The following PKD1L1 variants were observed in gnomAD, a reference collection of about 807,000 sequenced individuals.
The protein encoded by PKD1L1 is polycystin-1-like protein 1.
In PKD1L1, 236 loss-of-function variants were observed where a neutral mutation model predicts 323.4. The ratio of observed to expected loss-of-function variants is 0.73; its 90% CI spans 0.66 to 0.81. The LOEUF (loss-of-function observed/expected upper bound fraction) is 0.81, where lower values mean the gene tolerates loss of function less well. Among genes scored for constraint, PKD1L1 ranks in the 40% least tolerant of loss-of-function variants. PKD1L1 has a pLI of 0.00. For synonymous variants in PKD1L1, 1,344 were observed against 1,335.0 expected (o/e 1.01, Z -0.15); for missense variants, 3,320 against 3,508.0 (o/e 0.95, Z 1.35).
intron 46 of PKD1L1, chr7:47,818,166 A>T (rs747234097): frequency 3.7e-6 from 5 of 1,367,584 alleles, no homozygotes; most frequent in Non-Finnish European, 4.9e-6. Flanking sequence ...AAAGGAGAAC[A>T]CAGATGGAGA....
chr7:47,800,938 C>T (rs1482696614), intron 53 of PKD1L1, 59 bp from the exon 54 acceptor site: 1 of 1,442,604 alleles, frequency 6.9e-7, no homozygotes, highest in African/African-American at 1.4e-5. Context: ...GAGTGGAAGA[C>T]TCAACTTCCA....
chr7:47,905,008 T>C (rs1007544883), intron 11 of PKD1L1, 149 bp downstream of exon 11: 6 of 834,346 alleles, frequency 7.2e-6, no homozygotes, highest in Non-Finnish European at 1.1e-5. Context: ...AAATCTTATG[T>C]TGAGTTTGCT....
At chr7:47,865,392 C>G (rs1403508374) in intron 25 of PKD1L1, 120 bp from the exon 26 acceptor site, 1 of 833,972 alleles carries the variant, frequency 1.2e-6, no homozygotes, top group African/African-American at 1.7e-5. Flanking sequence ...GCTTTTTGGC[C>G]AAAAGACCAA....
At chr7:47,938,932 T>A (rs1240180185) in intron 3 of PKD1L1, among the ~76,000 whole-genome samples, 1 of 152,204 alleles carries the variant, frequency 6.6e-6, no homozygotes, top group Non-Finnish European at 1.5e-5. Flanking sequence ...TGATTCTGCA[T>A]AGCAGATCTG....
Position 47,885,910 on chromosome 7 carries a change from G to A in PKD1L1, c.2981C>T (p.Pro994Leu). 2 of 1,614,174 alleles carry A rather than the reference G, an allele frequency of 1.2e-6. No individual in the cohort carries two copies. Among genetic ancestry groups the A allele is most frequent in the African/African-American group, 1.3e-5 (1 of 75,048 alleles). ...AGTGGCAGGTTGGCCAAGGGTCACG[G>A]GTGAAGGTTCCCGTGAGAATGGTGT... ...TTTPFSREPS[P>L]VTLGQPATSA... The change falls in exon 18 of 57, where the codon CCC (proline) becomes CTC (leucine). Residue 994 changes from proline to leucine, a missense_variant. Physicochemically the swap from Pro to Leu is moderately conservative, Grantham distance 98. Transcript: ENST00000289672.
In PKD1L1 at chr7:47,853,904, A is replaced by C. The variant is rs376283172; in HGVS notation, c.4860-677T>G. On this transcript the variant is annotated intron_variant, in intron 30 of 56. Coordinates refer to ENST00000289672, the MANE Select transcript of PKD1L1 (RefSeq NM_138295.5). ...GTTAGGGAGGGGCACTGCAGCACCC[A>C]CACGTATGTTTGCATGTTTGTGTTA... Among the ~76,000 whole-genome samples the C allele has an allele frequency of 1.3e-3, 202 of 152,278 alleles. 2 individuals carry two copies. The highest frequency in any genetic ancestry group is 4.7e-3 in the African/African-American group (197 of 41,558).
At chr7:47,812,122 C>A in intron 49 of PKD1L1, 71 bp from the exon 50 acceptor site, 1 of 1,280,446 alleles carries the variant, frequency 7.8e-7, no homozygotes, top group Non-Finnish European at 1.1e-6. Flanking sequence ...AGGCTCCCAG[C>A]TGCAGGTCCC....
the PKD1L1 span, among the ~76,000 whole-genome samples, chr7:47,957,887 A>ATATATAT: frequency 6.7e-6 from 1 of 148,780 alleles, no homozygotes; most frequent in East Asian, 2.0e-4. Context: ...ATCTAGAAAT[A>ATATATAT]AACTTAACCA....
At position 47,876,159 on chromosome 7, in the gene PKD1L1, T is replaced by C. The variant is rs1786399021; in HGVS notation, c.3722A>G (p.His1241Arg). ...AAAATAATACTGGGTGTCTCTCCCA[T>C]GGTACAAAGTGTGTTTGGAGGTGTT... Reference protein sequence around the residue: ...IGNTSKHTLYHGRDTQYYFVL... With the variant: ...IGNTSKHTLYRGRDTQYYFVL... Residue 1241 changes from histidine to arginine, a missense_variant, in exon 23 of 57, where the codon CAT becomes CGT. Coordinates refer to ENST00000289672, the MANE Select transcript of PKD1L1 (RefSeq NM_138295.5). 1 of 1,614,150 alleles carries C rather than the reference T, an allele frequency of 6.2e-7. No homozygotes were observed. The highest frequency in any genetic ancestry group is 8.5e-7 in the Non-Finnish European group (1 of 1,179,990).
chr7:47,959,649 G>A, the PKD1L1 span, among the ~76,000 whole-genome samples: 3 of 123,650 alleles, frequency 2.4e-5, no homozygotes, highest in Non-Finnish European at 5.6e-5. Context: ...CGGGAGGGAG[G>A]TGGGGGTCAG....
At chr7:47,850,525 A>G (rs1380336730) in intron 31 of PKD1L1, among the ~76,000 whole-genome samples, 1 of 151,420 alleles carries the variant, frequency 6.6e-6, no homozygotes, top group African/African-American at 2.4e-5. Flanking sequence ...TCAGCTACCC[A>G]CAAGGCTGAG....
chr7:47,897,703 G>A (rs1157844031), intron 14 of PKD1L1, among the ~76,000 whole-genome samples: 2 of 152,100 alleles, frequency 1.3e-5, no homozygotes, highest in Admixed American at 6.6e-5. Flanking sequence ...CTGACATCCC[G>A]GCACCAGCAC....
intron 52 of PKD1L1, among the ~76,000 whole-genome samples, chr7:47,807,539 G>C (rs965457884): frequency 2.6e-5 from 4 of 152,136 alleles, no homozygotes; most frequent in African/African-American, 9.7e-5. Flanking sequence ...AGGACAAGGG[G>C]GTTAGGGAGG....
At chr7:47,900,913 A>C (rs935436485) in intron 13 of PKD1L1, among the ~76,000 whole-genome samples, 5 of 152,206 alleles carry the variant, frequency 3.3e-5, no homozygotes, top group Admixed American at 3.3e-4. Flanking sequence ...GTTTGTGACA[A>C]ACACACATAC....
In PKD1L1 at chr7:47,785,427, G is replaced by A. The variant is rs545850581; in HGVS notation, c.8526+7200C>T. Among the ~76,000 whole-genome samples, 5 of 152,258 alleles carry A rather than the reference G, an allele frequency of 3.3e-5. No homozygotes were observed. The East Asian group carries it at 5.8e-4, about 18-fold the overall frequency. ...AAAATACTTGAGGAATGCATGAAAC[G>A]TGAAAGTGTTAATAGTCTCTATTAA... On this transcript the variant is annotated intron_variant, in intron 56 of 56. Coordinates refer to ENST00000289672, the MANE Select transcript of PKD1L1 (RefSeq NM_138295.5).
intron 46 of PKD1L1, among the ~76,000 whole-genome samples, chr7:47,818,770 C>T (rs1785077612): frequency 6.6e-6 from 1 of 152,184 alleles, no homozygotes; most frequent in South Asian, 2.1e-4. Flanking sequence ...GGATAGAACG[C>T]TTGCTTCATT....
At chr7:47,834,937 G>C (rs1263759324) in intron 39 of PKD1L1, 30 bp downstream of exon 39, 2 of 1,595,254 alleles carry the variant, frequency 1.3e-6, no homozygotes, top group Non-Finnish European at 1.7e-6. Flanking sequence ...GCCCCACGGA[G>C]AGTTTCTGAG....
Position 47,933,578 on chromosome 7 carries a change from C to G in PKD1L1, c.399-1522G>C, listed in dbSNP as rs140656744. ...TGGGATGTTCACAGTGACCACCATGCCACTGCCTGGGCCGCCCTGTTTGTC... is the reference window on the plus strand; with the variant it reads ...TGGGATGTTCACAGTGACCACCATGGCACTGCCTGGGCCGCCCTGTTTGTC... On this transcript the variant is annotated intron_variant, in intron 4 of 56. Transcript: ENST00000289672. Among the ~76,000 whole-genome samples the G allele has an allele frequency of 1.3e-3, 192 of 152,246 alleles. 1 individual carries two copies. The highest frequency in any genetic ancestry group is 3.8e-3 in the African/African-American group (159 of 41,538).
At position 47,931,972 on chromosome 7, in the gene PKD1L1, A is replaced by C; in HGVS notation, c.483T>G (p.Thr161=). 1.2e-6 allele frequency: 2 copies of C among 1,614,080 alleles called. No individual in the cohort carries two copies. The highest frequency in any genetic ancestry group is 1.7e-6 in the Non-Finnish European group (2 of 1,179,942). ...PRFHHRRLCA[T]GTADSTFSAL... ...CAGAGAATGTGCTGTCTGCGGTCCCAGTAGCACACAGCCGCCTGTGATGGA... is the reference window on the plus strand; with the variant it reads ...CAGAGAATGTGCTGTCTGCGGTCCCCGTAGCACACAGCCGCCTGTGATGGA... Residue 161 remains threonine (T), a synonymous_variant, in exon 5 of 57, where the codon ACT becomes ACG. Coordinates refer to ENST00000289672, the MANE Select transcript of PKD1L1 (RefSeq NM_138295.5).
Sources: allele counts gnomAD v4.1 joint callset (sites outside exome capture counted in the v4.1 genomes callset), GRCh38; gene constraint gnomAD v4.1.1; transcripts MANE v1.5; gene names NCBI Gene and HGNC (gene_info 2026-07-23, HGNC 2026-07-21).